SETBP1: variants seen among roughly 807,000 people sequenced by gnomAD.
SETBP1 encodes the protein SET binding protein 1, also known as SET-binding protein.
A neutral mutation model predicts 101.0 loss-of-function variants in SETBP1; 9 were observed. The observed-to-expected ratio is 0.09, with a 90% confidence interval of 0.05 to 0.16. SETBP1 has a LOEUF of 0.16. Ranked by LOEUF, SETBP1 falls within the 10% of genes least tolerant of loss-of-function variation. The probability of loss-of-function intolerance (pLI) is 1.00; values close to 1 mark genes in which losing one functional copy is unlikely to be tolerated. For missense variants in SETBP1, 1,858 were observed against 2,033.8 expected, an observed-to-expected ratio of 0.91 and a Z score of 1.66; for synonymous variants, 818 against 788.5, an observed-to-expected ratio of 1.04 and a Z score of -0.63.
At chr18:44,781,388 T>C (rs2071126315) in intron 2 of SETBP1, among the ~76,000 whole-genome samples, 1 of 152,114 alleles carries the variant, frequency 6.6e-6, no homozygotes, top group Admixed American at 6.5e-5. Flanking sequence ...CCATGATATT[T>C]TTTAATGTAA....
intron 2 of SETBP1, among the ~76,000 whole-genome samples, chr18:44,779,152 A>G (rs578170849): frequency 5.9e-5 from 9 of 152,334 alleles, no homozygotes; most frequent in African/African-American, 1.9e-4. Flanking sequence ...GAGTCACTAG[A>G]CAGGTTAGAG....
chr18:44,857,409 A>G (rs2073000351), intron 2 of SETBP1, among the ~76,000 whole-genome samples: 1 of 152,250 alleles, frequency 6.6e-6, no homozygotes, highest in Non-Finnish European at 1.5e-5. Flanking sequence ...CTGTCAGATC[A>G]GAAAGGATTG....
At chr18:45,056,812 C>T (rs2073816072) in intron 5 of SETBP1, among the ~76,000 whole-genome samples, 2 of 152,230 alleles carry the variant, frequency 1.3e-5, no homozygotes, top group African/African-American at 4.8e-5. Context: ...ACCTCTCCAT[C>T]AGCCAGTCTG....
intron 2 of SETBP1, among the ~76,000 whole-genome samples, chr18:44,714,628 A>G (rs1226845195): frequency 6.6e-6 from 1 of 151,708 alleles, no homozygotes; most frequent in Non-Finnish European, 1.5e-5. Context: ...GTGTGTGCGC[A>G]TGCACGTGTG....
At chr18:44,892,326 G>A (rs1199085346) in intron 3 of SETBP1, among the ~76,000 whole-genome samples, 1 of 152,154 alleles carries the variant, frequency 6.6e-6, no homozygotes, top group Non-Finnish European at 1.5e-5. Flanking sequence ...TTAGAGAATG[G>A]CCTTATATGG....
At chr18:44,851,204 T>A (rs1223633405) in intron 2 of SETBP1, among the ~76,000 whole-genome samples, 2 of 152,136 alleles carry the variant, frequency 1.3e-5, no homozygotes, top group Non-Finnish European at 2.9e-5. Flanking sequence ...ATATGCTAAG[T>A]GGTAAATAAG....
At chr18:44,826,536 G>C (rs1255995203) in intron 2 of SETBP1, among the ~76,000 whole-genome samples, 1 of 152,166 alleles carries the variant, frequency 6.6e-6, no homozygotes, top group Non-Finnish European at 1.5e-5. Context: ...TGAGAGAGTT[G>C]GGGGCATTAT....
At chr18:45,061,522 G>A (rs1269589667) in intron 5 of SETBP1, among the ~76,000 whole-genome samples, 4 of 152,038 alleles carry the variant, frequency 2.6e-5, no homozygotes, top group South Asian at 2.1e-4. Flanking sequence ...TTCATTGCTC[G>A]GTCAGTCTCA....
At position 44,949,976 on chromosome 18, in the gene SETBP1, A is replaced by G. The variant is rs1009862226; in HGVS notation, c.636A>G (p.Gln212=). The change falls in exon 4 of 6, where the codon CAA becomes CAG. Residue 212 remains glutamine, a synonymous_variant. Transcript: ENST00000649279. The stretch of plus-strand genomic sequence containing the variant: ...ACACCTTAAAACCAAAGCACCAGCA[A>G]AAAAGCAGCAGCCAGAACCACATGG... ...TGDTLKPKHQ[Q]KSSSQNHMDW... is the part of the protein sequence containing the mutation. 1.9e-6 allele frequency: 3 copies of G among 1,614,068 alleles called. No individual in the cohort carries two copies. The highest frequency in any genetic ancestry group is 3.3e-5 in the Admixed American group (2 of 60,002).
At chr18:44,946,950 A>T (rs1362989576) in intron 3 of SETBP1, among the ~76,000 whole-genome samples, 1 of 152,234 alleles carries the variant, frequency 6.6e-6, no homozygotes, top group East Asian at 1.9e-4. Context: ...GTTGCAATAC[A>T]TAGATCATTG....
At chr18:44,931,817 T>G (rs1335352932) in intron 3 of SETBP1, among the ~76,000 whole-genome samples, 3 of 152,218 alleles carry the variant, frequency 2.0e-5, no homozygotes, top group Non-Finnish European at 4.4e-5. Context: ...TCCCTTCATT[T>G]TGAGCCTATA....
chr18:44,740,068 C>T (rs1227286154), intron 2 of SETBP1, among the ~76,000 whole-genome samples: 2 of 152,174 alleles, frequency 1.3e-5, no homozygotes, highest in African/African-American at 2.4e-5. Flanking sequence ...GGAACCAGGA[C>T]CTGCCAAGGT....
intron 4 of SETBP1, among the ~76,000 whole-genome samples, chr18:44,973,328 C>T (rs939189491): frequency 2.0e-5 from 3 of 152,164 alleles, no homozygotes; most frequent in African/African-American, 7.2e-5. Context: ...GGATATTCAT[C>T]TAAAATTCTC....
At chr18:44,758,495 G>T (rs2070556835) in intron 2 of SETBP1, among the ~76,000 whole-genome samples, 1 of 151,578 alleles carries the variant, frequency 6.6e-6, no homozygotes, top group African/African-American at 2.4e-5. Context: ...CGATTCTCCT[G>T]CCTCAGCCTC....
chr18:44,714,465 G>A (rs1436095870), intron 2 of SETBP1, among the ~76,000 whole-genome samples: 1 of 152,146 alleles, frequency 6.6e-6, no homozygotes, highest in Non-Finnish European at 1.5e-5. Flanking sequence ...GCCTCCCAAA[G>A]TTCTGGGATT....
At chr18:44,861,611 T>C (rs1219929333) in intron 2 of SETBP1, among the ~76,000 whole-genome samples, 1 of 152,156 alleles carries the variant, frequency 6.6e-6, no homozygotes, top group Non-Finnish European at 1.5e-5. Context: ...TATTATGATG[T>C]AGTGAAAAAG....
At chr18:44,932,433 C>A (rs1338666556) in intron 3 of SETBP1, among the ~76,000 whole-genome samples, 2 of 152,112 alleles carry the variant, frequency 1.3e-5, no homozygotes, top group Non-Finnish European at 2.9e-5. Context: ...TTGCTCTTCT[C>A]GAGGAGGATC....
Position 45,063,248 on chromosome 18 carries a change from C to T in SETBP1, c.4341C>T (p.Asn1447=). The stretch of plus-strand genomic sequence containing the variant: ...TGCAGAGACAATCAAAAACAGGCAA[C>T]AACTTCGTGAAGAAGAGGCGCGGGC... The part of the protein sequence containing the change: ...KRLQRQSKTG[N]NFVKKRRGRP... Residue 1447 remains asparagine, a synonymous_variant, in exon 6 of 6, where the codon AAC becomes AAT. Coordinates refer to ENST00000649279, the MANE Select transcript of SETBP1 (RefSeq NM_015559.3). The T allele has an allele frequency of 6.2e-7, 1 of 1,613,818 alleles. No homozygotes were observed. The highest frequency in any genetic ancestry group is 8.5e-7 in the Non-Finnish European group (1 of 1,179,860).
intron 3 of SETBP1, among the ~76,000 whole-genome samples, chr18:44,905,286 G>A (rs1251130358): frequency 6.6e-6 from 1 of 151,994 alleles, no homozygotes; most frequent in African/African-American, 2.4e-5. Context: ...TGTTTGTCCT[G>A]GGCAAAAAAG....
Sources: allele counts gnomAD v4.1 joint callset (sites outside exome capture counted in the v4.1 genomes callset), GRCh38; gene constraint gnomAD v4.1.1; transcripts MANE v1.5; gene names NCBI Gene and HGNC (gene_info 2026-07-23, HGNC 2026-07-21).